KDM2A: variants seen among roughly 807,000 people sequenced by gnomAD.
KDM2A encodes the protein lysine-specific demethylase 2A.
In KDM2A, 3 loss-of-function variants were observed where a neutral mutation model predicts 137.3. That is an observed-to-expected ratio of 0.02 (90% CI 0.01 to 0.06). KDM2A has a LOEUF of 0.06. Among genes scored for constraint, KDM2A ranks in the 10% least tolerant of loss-of-function variants. The pLI, the probability that KDM2A is intolerant of heterozygous loss-of-function variation, is 1.00. For synonymous variants in KDM2A, 512 were observed against 541.5 expected (o/e 0.95, Z 0.76); for missense variants, 738 against 1,510.6 (o/e 0.49, Z 8.48).
In KDM2A at chr11:67,196,349, A is replaced by C. The variant is rs756388479; in HGVS notation, c.308-11161A>C. On this transcript the variant is annotated intron_variant, in intron 5 of 20. Transcript: ENST00000529006. ...GAGATGAGGTCTCACTGTGTTGCCC[A>C]AGCTGGCCTTGAAATCCTGGACTCA... 11 of 455,942 alleles carry C rather than the reference A, an allele frequency of 2.4e-5. 1 individual carries two copies. Among genetic ancestry groups the C allele is most frequent in the South Asian group, 1.7e-4 (11 of 64,566 alleles). The allele number at this position is 455,942 out of a possible 1,614,324, so 28.2% of individuals were successfully genotyped here.
chr11:67,135,200 C>T (rs949257148), intron 2 of KDM2A, among the ~76,000 whole-genome samples: 6 of 152,062 alleles, frequency 3.9e-5, no homozygotes, highest in African/African-American at 1.4e-4. Context: ...TCCCGAGTAG[C>T]TGGGATTACA....
At chr11:67,217,707 A>G (rs1457468563) in intron 8 of KDM2A, 24 bp from the exon 9 acceptor site, 1 of 1,612,148 alleles carries the variant, frequency 6.2e-7, no homozygotes, top group African/African-American at 1.3e-5. Flanking sequence ...GGCTGTTAAC[A>G]GACTAAAGTT....
At chr11:67,155,491 G>T (rs921091550) in intron 2 of KDM2A, among the ~76,000 whole-genome samples, 3 of 151,982 alleles carry the variant, frequency 2.0e-5, no homozygotes, top group African/African-American at 7.2e-5. Context: ...TGTTTTGGAG[G>T]CAAGGTCTTG....
chr11:67,209,320 T>C (rs572099270), intron 6 of KDM2A, among the ~76,000 whole-genome samples: 5 of 152,142 alleles, frequency 3.3e-5, no homozygotes, highest in Non-Finnish European at 7.3e-5. Flanking sequence ...AGCCTTCTTA[T>C]TAGCCTAATG....
chr11:67,156,953 A>G (rs1856529106), intron 2 of KDM2A, among the ~76,000 whole-genome samples: 1 of 152,002 alleles, frequency 6.6e-6, no homozygotes, highest in Non-Finnish European at 1.5e-5. Context: ...TTCATTTAAC[A>G]TGTTGTGGTA....
At chr11:67,164,157 A>G (rs1180553362) in intron 2 of KDM2A, among the ~76,000 whole-genome samples, 1 of 152,194 alleles carries the variant, frequency 6.6e-6, no homozygotes, top group Non-Finnish European at 1.5e-5. Flanking sequence ...ACATTTTCAC[A>G]TGAGAAAATG....
At chr11:67,182,942 C>T (rs1323043218) in intron 5 of KDM2A, among the ~76,000 whole-genome samples, 2 of 152,238 alleles carry the variant, frequency 1.3e-5, no homozygotes, top group Non-Finnish European at 2.9e-5. Flanking sequence ...TGTACTAAAG[C>T]TCCAGTGCCA....
At chr11:67,220,536 A>G (rs535010619) in intron 10 of KDM2A, among the ~76,000 whole-genome samples, 1 of 152,312 alleles carries the variant, frequency 6.6e-6, no homozygotes, top group South Asian at 2.1e-4. Flanking sequence ...GTTTCAAGAG[A>G]GAATTAAGCC....
chr11:67,125,326 C>G (rs1855695949), intron 2 of KDM2A, among the ~76,000 whole-genome samples: 1 of 151,830 alleles, frequency 6.6e-6, no homozygotes, highest in Non-Finnish European at 1.5e-5. Context: ...GACTACAGCC[C>G]TGTGCCACCA....
chr11:67,143,643 A>AT (rs990858311), intron 2 of KDM2A, among the ~76,000 whole-genome samples: 2 of 150,834 alleles, frequency 1.3e-5, no homozygotes, highest in African/African-American at 4.9e-5. Flanking sequence ...TTATTTATTT[A>AT]TTTTTTTGAG....
chr11:67,224,959 G>A lies in KDM2A; in HGVS notation c.958-3078G>A, dbSNP rs867628693. Among the ~76,000 whole-genome samples the A allele has an allele frequency of 6.3e-5, 9 of 142,620 alleles. No individual in the cohort carries two copies. The South Asian group carries it at 7.2e-4, about 11-fold the overall frequency. 93.6% of individuals were successfully genotyped at this position (142,620 alleles called of 152,430 possible). ...CAGGTTCAAACAATTCTCCTGCCCA[G>A]GCATCCCGAGTAGCTGGGATTACAG... On this transcript the variant is annotated intron_variant, in intron 10 of 20. Transcript: ENST00000529006.
chr11:67,186,341 G>A (rs1026046266), intron 5 of KDM2A, among the ~76,000 whole-genome samples: 7 of 152,174 alleles, frequency 4.6e-5, no homozygotes, highest in Admixed American at 4.6e-4. Flanking sequence ...GAGGCAGTGA[G>A]CCAGTGTATT....
At chr11:67,201,234 G>GTGTGTATA (rs555985556) in intron 5 of KDM2A, among the ~76,000 whole-genome samples, 109 of 145,668 alleles carry the variant, frequency 7.5e-4, no homozygotes, top group East Asian at 6.1e-3. Context: ...GTGTGTGTGT[G>GTGTGTATA]TATATATATA....
At chr11:67,177,668 A>G (rs1856999908) in intron 2 of KDM2A, among the ~76,000 whole-genome samples, 1 of 152,166 alleles carries the variant, frequency 6.6e-6, no homozygotes, top group Admixed American at 6.6e-5. Flanking sequence ...ATACCTCCTA[A>G]GAGACCTCCC....
chr11:67,200,176 C>T (rs868324591), intron 5 of KDM2A, among the ~76,000 whole-genome samples: 1 of 151,918 alleles, frequency 6.6e-6, no homozygotes, highest in South Asian at 2.1e-4. Context: ...CACCCAAGAC[C>T]TCTGATGGGA....
chr11:67,144,078 G>A (rs1353344372), intron 2 of KDM2A, among the ~76,000 whole-genome samples: 1 of 151,052 alleles, frequency 6.6e-6, no homozygotes, highest in Non-Finnish European at 1.5e-5. Flanking sequence ...GAGTAGCTGG[G>A]ATTATAGGTG....
intron 2 of KDM2A, among the ~76,000 whole-genome samples, chr11:67,122,645 T>A (rs201451944): frequency 2.3e-3 from 248 of 107,278 alleles, no homozygotes; most frequent in East Asian, 0.014. Context: ...TTATTTATTT[T>A]TATTTATTTA....
chr11:67,180,959 G>C (rs1857079358), intron 3 of KDM2A, among the ~76,000 whole-genome samples: 1 of 146,104 alleles, frequency 6.8e-6, no homozygotes, highest in African/African-American at 2.7e-5. Context: ...ACCACACCTG[G>C]CCCTTTTTTT....
intron 2 of KDM2A, among the ~76,000 whole-genome samples, chr11:67,165,506 A>G (rs773245830): frequency 1.2e-4 from 18 of 152,192 alleles, no homozygotes; most frequent in Non-Finnish European, 2.6e-4. Flanking sequence ...TAAGTTTGAC[A>G]GTTTGAAATA....
Sources: allele counts gnomAD v4.1 joint callset (sites outside exome capture counted in the v4.1 genomes callset), GRCh38; gene constraint gnomAD v4.1.1; transcripts MANE v1.5; gene names NCBI Gene and HGNC (gene_info 2026-07-23, HGNC 2026-07-21).